The following SVIL variants were observed in gnomAD, a reference collection of about 807,000 sequenced individuals.
SVIL encodes supervillin.
SVIL carries 101 observed loss-of-function variants against 240.4 expected under a neutral mutation model. The ratio of observed to expected loss-of-function variants is 0.42; its 90% CI spans 0.36 to 0.50. The LOEUF (loss-of-function observed/expected upper bound fraction) is 0.50, where lower values mean the gene tolerates loss of function less well. SVIL is among the 20% of genes least tolerant of loss of function. The pLI, the probability that SVIL is intolerant of heterozygous loss-of-function variation, is 0.01. For synonymous variants in SVIL, 999 were observed against 1,100.0 expected (o/e 0.91, Z 1.82); for missense variants, 2,512 against 2,818.7 (o/e 0.89, Z 2.46).
intron 34 of SVIL, 59 bp from the exon 35 acceptor site, chr10:29,463,694 C>A: frequency 6.3e-7 from 1 of 1,582,300 alleles, no homozygotes; most frequent in South Asian, 1.2e-5. Context: ...ACTTCTAGCT[C>A]ACTCCTCCCC....
intron 6 of SVIL, among the ~76,000 whole-genome samples, chr10:29,540,314 C>CCT (rs1170347438): frequency 6.6e-6 from 1 of 152,152 alleles, no homozygotes; most frequent in Admixed American, 6.5e-5. Context: ...GATGTGACAG[C>CCT]CTCTGGAGAG....
At chr10:29,671,109 A>C (rs1959740254) in intron 2 of SVIL, 1 of 152,204 alleles carries the variant, frequency 6.6e-6, no homozygotes, top group Non-Finnish European at 1.5e-5. Flanking sequence ...CCTCTGTTGG[A>C]GAGAAAATGT....
chr10:29,496,754 T>C (rs1285688709), intron 18 of SVIL, among the ~76,000 whole-genome samples: 1 of 152,218 alleles, frequency 6.6e-6, no homozygotes, highest in Non-Finnish European at 1.5e-5. Flanking sequence ...TTCGGGAACA[T>C]TTTCACAGAT....
At chr10:29,597,074 C>A (rs961199542) in intron 1 of SVIL, among the ~76,000 whole-genome samples, 1 of 152,142 alleles carries the variant, frequency 6.6e-6, no homozygotes, top group South Asian at 2.1e-4. Flanking sequence ...AATTCGGCAG[C>A]CAGGGAGAGA....
chr10:29,646,692 G>A (rs997477212), intron 3 of SVIL, among the ~76,000 whole-genome samples: 1 of 152,158 alleles, frequency 6.6e-6, no homozygotes, highest in Non-Finnish European at 1.5e-5. Flanking sequence ...GAATCATCAT[G>A]ACACTGCCTG....
intron 17 of SVIL, among the ~76,000 whole-genome samples, chr10:29,506,933 C>T (rs1238987850): frequency 6.6e-6 from 1 of 152,142 alleles, no homozygotes; most frequent in Non-Finnish European, 1.5e-5. Context: ...GTGGATGGTG[C>T]CACTTTGCAG....
At chr10:29,477,050 A>G (rs1301759419) in intron 29 of SVIL, among the ~76,000 whole-genome samples, 1 of 151,904 alleles carries the variant, frequency 6.6e-6, no homozygotes, top group Non-Finnish European at 1.5e-5. Flanking sequence ...TTTAGTAGAG[A>G]CAGGGGGTTT....
intron 2 of SVIL, among the ~76,000 whole-genome samples, chr10:29,681,858 C>T (rs1960682191): frequency 6.6e-6 from 1 of 152,166 alleles, no homozygotes; most frequent in Non-Finnish European, 1.5e-5. Flanking sequence ...AGATGCAGGG[C>T]TTCTTACACA....
chr10:29,458,284 T>C lies in SVIL; in HGVS notation c.6608A>G (p.Lys2203Arg), dbSNP rs200975665. ...TTTTGCTTTCTTCAGGTTCACCTGCTTCCAGGCGGGCAGGGCGTTGTATTC... is the reference window on the plus strand; with the variant it reads ...TTTTGCTTTCTTCAGGTTCACCTGCCTCCAGGCGGGCAGGGCGTTGTATTC... ...RDEYNALPAW[K>R]QVNLKKAKGL... The change falls in exon 38 of 38, where the codon AAG becomes AGG. Residue 2203 changes from lysine (K) to arginine (R), a missense_variant. Physicochemically the swap from Lys to Arg is conservative, Grantham distance 26 (BLOSUM62 2). Around this residue, in one of 3 missense-constraint regions of SVIL, gnomAD observed 797 missense variants for 925.3 expected, o/e 0.86. Transcript: ENST00000355867. 7.4e-5 allele frequency: 119 copies of C among 1,614,250 alleles called. No individual in the cohort carries two copies. In the East Asian group the frequency reaches 2.6e-3, roughly 35 times the overall value.
rs752696128 is a variant in SVIL at position 29,499,158 on chromosome 10, C to T, written c.3622G>A (p.Asp1208Asn). 1.2e-5 allele frequency: 19 copies of T among 1,613,940 alleles called. No individual in the cohort carries two copies. Among genetic ancestry groups the T allele is most frequent in the East Asian group, 4.5e-5 (2 of 44,886 alleles). Reference sequence around the variant, plus strand: ...CCAGCCACAGTGAACTGGGTCGAGTCGTTGGCCGCTCCTCTGCCTCTCGTC... The same window carrying T: ...CCAGCCACAGTGAACTGGGTCGAGTTGTTGGCCGCTCCTCTGCCTCTCGTC... ...WKTRGRGAAN[D>N]STQFTVAGRM... Residue 1208 changes from aspartate (D) to asparagine (N), a missense_variant, in exon 18 of 38, where the codon GAC becomes AAC. Asp to Asn is a conservative substitution (Grantham distance 23). Coordinates refer to ENST00000355867, the MANE Select transcript of SVIL (RefSeq NM_021738.3).
intron 2 of SVIL, among the ~76,000 whole-genome samples, chr10:29,662,207 C>G (rs920901440): frequency 6.6e-6 from 1 of 152,178 alleles, no homozygotes; most frequent in South Asian, 2.1e-4. Flanking sequence ...TTAGGCACTT[C>G]CTCCCCGGTC....
At chr10:29,490,575 C>A (rs1947850088) in intron 22 of SVIL, among the ~76,000 whole-genome samples, 1 of 128,428 alleles carries the variant, frequency 7.8e-6, no homozygotes, top group Non-Finnish European at 1.6e-5. Flanking sequence ...ATGATGAAAC[C>A]CCCAGTCTTT....
chr10:29,532,363 A>G (rs1342376739), intron 8 of SVIL, among the ~76,000 whole-genome samples, 166 bp downstream of exon 8: 1 of 152,234 alleles, frequency 6.6e-6, no homozygotes, highest in Non-Finnish European at 1.5e-5. Context: ...TAGTAGGCAG[A>G]AGCAGAGTGG....
chr10:29,610,701 G>A (rs1344669365), intron 1 of SVIL, among the ~76,000 whole-genome samples: 1 of 152,032 alleles, frequency 6.6e-6, no homozygotes, highest in Admixed American at 6.6e-5. Flanking sequence ...GATTACAGGC[G>A]TGAGCCACTG....
In SVIL at chr10:29,458,140, A is replaced by G. The variant is rs1388300832; in HGVS notation, c.*107T>C. 2 of 1,109,884 alleles carry G rather than the reference A, an allele frequency of 1.8e-6. No individual in the cohort carries two copies. Among genetic ancestry groups the G allele is most frequent in the African/African-American group, 1.6e-5 (1 of 63,732 alleles). 68.8% of individuals were successfully genotyped at this position (1,109,884 alleles called of 1,614,324 possible). ...ACAATGTCAGGTTCTGAAAACTCTG[A>G]TTGAAAAATACTTTGTGAAAAACAC... On this transcript the variant is annotated 3_prime_UTR_variant, in exon 38 of 38. Coordinates refer to ENST00000355867, the MANE Select transcript of SVIL (RefSeq NM_021738.3).
At position 29,524,837 on chromosome 10, in the gene SVIL, A is replaced by G; in HGVS notation, c.2343-122T>C. 2.7e-6 allele frequency: 4 copies of G among 1,472,974 alleles called. No homozygotes were observed. In the South Asian group the frequency reaches 5.4e-5, roughly 20 times the overall value. 91.2% of individuals were successfully genotyped at this position (1,472,974 alleles called of 1,614,324 possible). On this transcript the variant is annotated intron_variant, in intron 13 of 37. Coordinates refer to ENST00000355867, the MANE Select transcript of SVIL (RefSeq NM_021738.3). ...GCAAAGGGCTTCTTTTTCCCTAAGC[A>G]CGTCTAGGACAGAGGCAGGCAGCTG...
At chr10:29,584,772 C>T (rs1272334618) in intron 1 of SVIL, among the ~76,000 whole-genome samples, 7 of 152,208 alleles carry the variant, frequency 4.6e-5, no homozygotes, top group Non-Finnish European at 1.0e-4. Flanking sequence ...GGAAGGGAGG[C>T]CGTGGACAGC....
chr10:29,577,457 C>T (rs1156773318), intron 1 of SVIL, among the ~76,000 whole-genome samples: 2 of 152,168 alleles, frequency 1.3e-5, no homozygotes, highest in African/African-American at 2.4e-5. Context: ...TCCTGAGTTA[C>T]TTCACTTAGA....
chr10:29,522,229 G>A (rs1950604943), intron 16 of SVIL, among the ~76,000 whole-genome samples, 181 bp downstream of exon 16: 1 of 152,148 alleles, frequency 6.6e-6, no homozygotes, highest in South Asian at 2.1e-4. Flanking sequence ...AGGCTCATGA[G>A]CAAAGGCAGT....
Sources: allele counts gnomAD v4.1 joint callset (sites outside exome capture counted in the v4.1 genomes callset), GRCh38; gene constraint gnomAD v4.1.1; regional missense constraint gnomAD v4.1.1; transcripts MANE v1.5; gene names NCBI Gene and HGNC (gene_info 2026-07-23, HGNC 2026-07-21).